Variants in GNAZ observed in about 807,000 individuals in gnomAD.
GNAZ encodes G protein subunit alpha z.
A neutral mutation model predicts 25.4 loss-of-function variants in GNAZ; 3 were observed. The observed-to-expected ratio is 0.12, with a 90% CI of 0.05 to 0.30. GNAZ has a LOEUF of 0.30. Among genes scored for constraint, GNAZ ranks in the 10% least tolerant of loss-of-function variants. GNAZ has a pLI of 1.00. For synonymous variants in GNAZ, 211 were observed against 205.7 expected (o/e 1.03, Z -0.22); for missense variants, 241 against 501.8 (o/e 0.48, Z 4.97).
rs551022477 is a variant in GNAZ, at chr22:23,094,336, G to A, written c.-449-911G>A. Among the ~76,000 whole-genome samples the A allele has an allele frequency of 6.6e-5, 10 of 152,206 alleles. No homozygotes were observed. In the East Asian group the frequency reaches 7.8e-4, roughly 12 times the overall value. ...GTGGGGAGGCCTGGCCTAAGCACCC[G>A]GCAAAGTCACAGGGGCATCCTAGGG... On this transcript the variant is annotated intron_variant, in intron 1 of 2. Coordinates refer to ENST00000615612, the MANE Select transcript of GNAZ (RefSeq NM_002073.4).
intron 2 of GNAZ, among the ~76,000 whole-genome samples, chr22:23,098,669 G>A (rs977995547): frequency 3.3e-5 from 5 of 152,262 alleles, no homozygotes; most frequent in Admixed American, 6.5e-5. Context: ...ACCCAAGCGA[G>A]GCTGGAAATT....
intron 2 of GNAZ, among the ~76,000 whole-genome samples, chr22:23,121,253 C>T (rs2070017599): frequency 1.3e-5 from 2 of 152,232 alleles, no homozygotes; most frequent in Admixed American, 1.3e-4. Flanking sequence ...AAAGAAAGAG[C>T]AAGATTGGTT....
chr22:23,120,119 CA>C (rs1482018510), intron 2 of GNAZ, among the ~76,000 whole-genome samples: 1 of 152,186 alleles, frequency 6.6e-6, no homozygotes, highest in Non-Finnish European at 1.5e-5. Context: ...TGCCCACCTC[CA>C]GCTGCCTTGT....
In GNAZ at chr22:23,071,027, G is replaced by A. The variant is rs930031287; in HGVS notation, c.-450+457G>A. Among the ~76,000 whole-genome samples the A allele has an allele frequency of 6.6e-6, 1 of 152,196 alleles. No homozygotes were observed. The highest frequency in any genetic ancestry group is 1.5e-5 in the Non-Finnish European group (1 of 68,018). On this transcript the variant is annotated intron_variant, in intron 1 of 2. Transcript: ENST00000615612. This position sits in a 1 kb window ranked among gnomAD's most constrained non-coding sequence, Gnocchi z 4.1. Reference sequence around the variant, plus strand: ...CCGATGCAGGGCCTTGCCTGAAACCGAGGAGAGGGCCCCAGAGGCCTGGGC... The same window carrying A: ...CCGATGCAGGGCCTTGCCTGAAACCAAGGAGAGGGCCCCAGAGGCCTGGGC...
chr22:23,101,086 G>A (rs867747216), intron 2 of GNAZ, among the ~76,000 whole-genome samples: 2 of 152,198 alleles, frequency 1.3e-5, no homozygotes, highest in African/African-American at 2.4e-5. Flanking sequence ...TGCCCAAGGA[G>A]GGAATTACAA....
At position 23,096,068 on chromosome 22, in the gene GNAZ, C is replaced by T. The variant is rs149147451; in HGVS notation, c.373C>T (p.Leu125=). Residue 125 remains leucine (L), a synonymous_variant, in exon 2 of 3, where the codon CTG becomes TTG. Coordinates refer to ENST00000615612, the MANE Select transcript of GNAZ (RefSeq NM_002073.4). The part of the protein sequence containing the change: ...ESKGEITPEL[L]GVMRRLWADP... ...CAAGGGCGAGATCACACCCGAGCTG[C>T]TGGGTGTCATGCGACGGCTCTGGGC... 1.4e-4 allele frequency: 232 copies of T among 1,608,224 alleles called. No homozygotes were observed. The highest frequency in any genetic ancestry group is 1.8e-4 in the Non-Finnish European group (208 of 1,179,944).
At chr22:23,092,055 G>T (rs1235939015) in intron 1 of GNAZ, among the ~76,000 whole-genome samples, 1 of 152,200 alleles carries the variant, frequency 6.6e-6, no homozygotes, top group East Asian at 1.9e-4. Context: ...AGGCACTGTG[G>T]TGGGGGGTCC....
intron 2 of GNAZ, among the ~76,000 whole-genome samples, chr22:23,110,592 A>G (rs1240603903): frequency 6.6e-6 from 1 of 152,226 alleles, no homozygotes; most frequent in Non-Finnish European, 1.5e-5. Context: ...GATGGGCAGT[A>G]GACAGTGTTT....
At chr22:23,078,357 G>A (rs997366136) in intron 1 of GNAZ, among the ~76,000 whole-genome samples, 3 of 152,134 alleles carry the variant, frequency 2.0e-5, no homozygotes, top group South Asian at 2.1e-4. Context: ...ATAACACCAC[G>A]CACGCAAGCA....
chr22:23,088,853 C>T (rs974909061), intron 1 of GNAZ, among the ~76,000 whole-genome samples: 3 of 152,180 alleles, frequency 2.0e-5, no homozygotes, highest in Non-Finnish European at 4.4e-5. Flanking sequence ...TGCCTGCCAC[C>T]TCTTGGGGTC....
intron 1 of GNAZ, among the ~76,000 whole-genome samples, chr22:23,076,771 C>T (rs2146257344): frequency 6.6e-6 from 1 of 152,346 alleles, no homozygotes; most frequent in South Asian, 2.1e-4. Flanking sequence ...AGTAAAGGAA[C>T]ATGATGATGG....
rs886248628 is a variant in GNAZ, at chr22:23,110,862, G to C, written c.724-12225G>C. ...GACCCAAGGGCCCACCACACTCTGA[G>C]GCTGGCGAGCACACGGGGCAACTCA... On this transcript the variant is annotated intron_variant, in intron 2 of 2. Coordinates refer to ENST00000615612, the MANE Select transcript of GNAZ (RefSeq NM_002073.4). Among the ~76,000 whole-genome samples the C allele has an allele frequency of 2.6e-5, 4 of 152,328 alleles. No individual in the cohort carries two copies. The South Asian group carries it at 8.3e-4, about 32-fold the overall frequency.
intron 1 of GNAZ, among the ~76,000 whole-genome samples, chr22:23,081,890 C>A (rs1001688992): frequency 6.7e-6 from 1 of 149,658 alleles, no homozygotes; most frequent in Non-Finnish European, 1.5e-5. Flanking sequence ...CTTTGGGGGG[C>A]CGAGGCGGGC....
rs767426235 is a variant in GNAZ at position 23,095,944 on chromosome 22, C to G, written c.249C>G (p.Arg83=). ...ACAATGCCATCGACTCGCTGACCCG[C>G]ATCATCCGGGCCCTGGCCGCCCTCA... is the stretch of plus-strand genomic sequence containing the variant. ...IIYNAIDSLT[R]IIRALAALRI... is the part of the protein sequence containing the mutation. Residue 83 remains arginine, a synonymous_variant, in exon 2 of 3, where the codon CGC becomes CGG. Coordinates refer to ENST00000615612, the MANE Select transcript of GNAZ (RefSeq NM_002073.4). The G allele has an allele frequency of 3.7e-6, 6 of 1,612,892 alleles. No individual in the cohort carries two copies. In the South Asian group the frequency reaches 6.6e-5, roughly 18 times the overall value.
At position 23,095,966 on chromosome 22, in the gene GNAZ, C is replaced by T; in HGVS notation, c.271C>T (p.Leu91Phe). 6.2e-7 allele frequency: 1 copy of T among 1,611,710 alleles called. No homozygotes were observed. The highest frequency in any genetic ancestry group is 8.5e-7 in the Non-Finnish European group (1 of 1,180,018). The change falls in exon 2 of 3, where the codon CTC becomes TTC. Residue 91 changes from leucine (L) to phenylalanine (F), a missense_variant. Leu to Phe is a conservative substitution (Grantham distance 22). Transcript: ENST00000615612. The part of the protein sequence containing the change: ...LTRIIRALAA[L>F]RIDFHNPDRA... ...CCGCATCATCCGGGCCCTGGCCGCC[C>T]TCAGGATCGACTTCCACAACCCCGA...
intron 2 of GNAZ, among the ~76,000 whole-genome samples, chr22:23,102,413 A>G (rs952868881): frequency 2.6e-5 from 4 of 152,198 alleles, no homozygotes; most frequent in Non-Finnish European, 5.9e-5. Context: ...GCTCCCAGGG[A>G]GGATGCAGCC....
chr22:23,079,866 G>A (rs5759580), intron 1 of GNAZ, among the ~76,000 whole-genome samples: 39,057 of 152,074 alleles, frequency 0.26, 5,114 homozygotes, highest in East Asian at 0.36. Context: ...TGGGCATGTA[G>A]TGGACACCAC....
At chr22:23,080,006 G>A (rs1818870866) in intron 1 of GNAZ, among the ~76,000 whole-genome samples, 1 of 152,200 alleles carries the variant, frequency 6.6e-6, no homozygotes, top group South Asian at 2.1e-4. Flanking sequence ...GTGAGGGTTT[G>A]ATGGAGTCAG....
chr22:23,120,998 G>A (rs1377002974), intron 2 of GNAZ, among the ~76,000 whole-genome samples: 2 of 152,200 alleles, frequency 1.3e-5, no homozygotes, highest in Non-Finnish European at 2.9e-5. Context: ...AGTCCTCTAT[G>A]ATGTGGCTTC....
Sources: gnomAD v4.1 joint callset for allele counts (sites outside exome capture counted in the v4.1 genomes callset) on GRCh38, gnomAD v4.1.1 for gene constraint, Gnocchi (gnomAD v3.1) non-coding constraint, MANE v1.5 for transcripts, NCBI Gene and HGNC (gene_info 2026-07-23, HGNC 2026-07-21) for gene names.